DNAH7: variants seen among roughly 807,000 people sequenced by gnomAD.
The protein encoded by DNAH7 is axonemal beta dynein heavy chain 7.
DNAH7 carries 397 observed loss-of-function variants against 444.6 expected under a neutral mutation model. The ratio of observed to expected loss-of-function variants is 0.89; its 90% CI spans 0.82 to 0.97. The LOEUF (loss-of-function observed/expected upper bound fraction) is 0.97. Among genes scored for constraint, DNAH7 ranks in the 50% least tolerant of loss-of-function variants. The pLI is 0.00. For synonymous variants in DNAH7, 1,636 were observed against 1,624.4 expected (o/e 1.01, Z -0.17); for missense variants, 4,902 against 4,800.8 (o/e 1.02, Z -0.62).
At chr2:196,012,461 A>C (rs73042591) in intron 10 of DNAH7, among the ~76,000 whole-genome samples, 8,701 of 152,196 alleles carry the variant, frequency 0.057, 400 homozygotes, top group African/African-American at 0.14. Flanking sequence ...AGCATGTGTT[A>C]ACAGCAGATG....
chr2:195,747,248 G>C (rs1039018918), intron 63 of DNAH7, among the ~76,000 whole-genome samples: 24 of 152,272 alleles, frequency 1.6e-4, no homozygotes, highest in Non-Finnish European at 2.4e-4. Flanking sequence ...AGAAAATCTA[G>C]AAGAAATGGA....
At chr2:195,867,665 G>C (rs1700424158) in intron 40 of DNAH7, among the ~76,000 whole-genome samples, 1 of 152,096 alleles carries the variant, frequency 6.6e-6, no homozygotes, top group African/African-American at 2.4e-5. Context: ...CTGGATATAT[G>C]ATATAAATGA....
intron 12 of DNAH7, among the ~76,000 whole-genome samples, chr2:195,996,289 T>TTA (rs1693691811): frequency 6.6e-6 from 1 of 152,210 alleles, no homozygotes; most frequent in Admixed American, 6.5e-5. Context: ...GCTCTCAGGA[T>TTA]TATAATAATT....
intron 5 of DNAH7, among the ~76,000 whole-genome samples, chr2:196,045,281 G>T (rs1199386981): frequency 6.8e-6 from 1 of 146,190 alleles, no homozygotes; most frequent in African/African-American, 2.7e-5. Flanking sequence ...GAAAGGGAAG[G>T]AGGGAGGAGA....
intron 35 of DNAH7, 99 bp downstream of exon 35, chr2:195,884,486 T>C (rs1701593219): frequency 1.3e-5 from 11 of 820,856 alleles, no homozygotes; most frequent in South Asian, 1.1e-4. Context: ...TTATGGTAAA[T>C]AGTGATGATG....
chr2:195,984,072 A>G (rs1692745741), intron 15 of DNAH7, among the ~76,000 whole-genome samples: 1 of 152,206 alleles, frequency 6.6e-6, no homozygotes, highest in Non-Finnish European at 1.5e-5. Flanking sequence ...TGACACAAGC[A>G]GAGTCTTGAA....
chr2:195,839,037 T>G (rs1247199783), intron 47 of DNAH7, among the ~76,000 whole-genome samples: 4 of 151,802 alleles, frequency 2.6e-5, no homozygotes, highest in Non-Finnish European at 3.0e-5. Context: ...CCTAACCAAC[T>G]TTCAAAATGC....
At chr2:195,990,450 C>A (rs1351604399) in intron 12 of DNAH7, among the ~76,000 whole-genome samples, 1 of 151,980 alleles carries the variant, frequency 6.6e-6, no homozygotes, top group African/African-American at 2.4e-5. Context: ...ATCACTTGAG[C>A]CCAGGAGCTC....
At chr2:195,924,262 A>G (rs1220024002) in intron 22 of DNAH7, among the ~76,000 whole-genome samples, 2 of 152,184 alleles carry the variant, frequency 1.3e-5, no homozygotes, top group Non-Finnish European at 2.9e-5. Flanking sequence ...GCTCTACAGA[A>G]TAAAGCCTAC....
At chr2:195,782,014 C>CACAG (rs58945532) in intron 58 of DNAH7, among the ~76,000 whole-genome samples, 1 of 148,674 alleles carries the variant, frequency 6.7e-6, no homozygotes, top group African/African-American at 2.5e-5. Context: ...CACACACACA[C>CACAG]ACAGACACAC....
At chr2:196,036,166 G>GAAAA (rs1163086812) in intron 5 of DNAH7, among the ~76,000 whole-genome samples, 1 of 151,916 alleles carries the variant, frequency 6.6e-6, no homozygotes, top group Non-Finnish European at 1.5e-5. Context: ...CAAGTAGCTG[G>GAAAA]AACTACAGGT....
intron 22 of DNAH7, among the ~76,000 whole-genome samples, 170 bp downstream of exon 22, chr2:195,926,256 T>A (rs1215722324): frequency 1.3e-5 from 2 of 152,224 alleles, no homozygotes; most frequent in Non-Finnish European, 2.9e-5. Flanking sequence ...AAATTTTTCC[T>A]ACATATTTGT....
intron 64 of DNAH7, among the ~76,000 whole-genome samples, chr2:195,739,868 G>A (rs570570697): frequency 2.0e-5 from 3 of 152,250 alleles, no homozygotes; most frequent in African/African-American, 7.2e-5. Flanking sequence ...CCTCATAACC[G>A]TAAACAAGTG....
At chr2:195,861,686 C>T (rs1700025182) in intron 42 of DNAH7, 31 bp downstream of exon 42, 1 of 1,503,988 alleles carries the variant, frequency 6.6e-7, no homozygotes, top group South Asian at 1.2e-5. Flanking sequence ...ATTGCCATAG[C>T]TTACTTAGAA....
intron 20 of DNAH7, 83 bp downstream of exon 20, chr2:195,936,516 T>C (rs768610089): frequency 8.4e-6 from 7 of 834,950 alleles, no homozygotes; most frequent in East Asian, 3.0e-5. Context: ...AACATGATTA[T>C]ATATATTTAT....
At chr2:195,817,369 A>G (rs1697275858) in intron 50 of DNAH7, among the ~76,000 whole-genome samples, 1 of 152,200 alleles carries the variant, frequency 6.6e-6, no homozygotes, top group Admixed American at 6.5e-5. Flanking sequence ...CATTCATACC[A>G]TGCTCCAGTA....
intron 2 of DNAH7, among the ~76,000 whole-genome samples, chr2:196,054,343 A>T (rs1335044470): frequency 6.6e-6 from 1 of 152,094 alleles, no homozygotes; most frequent in Non-Finnish European, 1.5e-5. Context: ...CAACATGGTG[A>T]AACTCCATCT....
chr2:195,907,959 A>G (rs1281676476), intron 25 of DNAH7, among the ~76,000 whole-genome samples: 1 of 152,092 alleles, frequency 6.6e-6, no homozygotes, highest in Non-Finnish European at 1.5e-5. Context: ...AGTTATATAC[A>G]TTTTGAGATT....
chr2:196,029,498 C>A (rs947454854), intron 5 of DNAH7, among the ~76,000 whole-genome samples: 2 of 149,760 alleles, frequency 1.3e-5, no homozygotes, highest in South Asian at 4.3e-4. Context: ...CTAGGGCCAG[C>A]AATTACTATT....
Sources: gnomAD v4.1 joint callset for allele counts (sites outside exome capture counted in the v4.1 genomes callset) on GRCh38, gnomAD v4.1.1 for gene constraint, MANE v1.5 for transcripts, NCBI Gene and HGNC (gene_info 2026-07-23, HGNC 2026-07-21) for gene names.